The following SNX25 variants were observed in gnomAD, a reference collection of about 807,000 sequenced individuals.
SNX25 encodes the protein sorting nexin 25.
Under a neutral mutation model 113.7 loss-of-function variants are expected in SNX25, and 62 were observed. That is an observed-to-expected ratio of 0.55 (90% CI 0.44 to 0.67). SNX25 has a LOEUF of 0.67. Among genes scored for constraint, SNX25 ranks in the 30% least tolerant of loss-of-function variants. SNX25 has a pLI of 0.00. For synonymous variants in SNX25, 421 were observed against 436.2 expected, an observed-to-expected ratio of 0.97 and a Z score of 0.43; for missense variants, 1,014 against 1,161.0, an observed-to-expected ratio of 0.87 and a Z score of 1.84.
chr4:185,376,468 A>AT, the SNX25 span, among the ~76,000 whole-genome samples: 1 of 68,682 alleles, frequency 1.5e-5, no homozygotes, highest in Non-Finnish European at 3.1e-5. Flanking sequence ...TTTTTTTTGT[A>AT]TTTTTAGTAC....
chr4:185,363,594 T>G lies in SNX25; in HGVS notation c.*129T>G. ...TTTTAGTTACCTCCCTCTAGTTTTA[T>G]GTGAAATTAGTAGAATCAGGGAGGA... On this transcript the variant is annotated 3_prime_UTR_variant, in exon 19 of 19. Transcript: ENST00000652585. This position sits in a 1 kb window ranked among gnomAD's most constrained non-coding sequence, Gnocchi z 4.2. 1 of 813,826 alleles carries G rather than the reference T, an allele frequency of 1.2e-6. No individual in the cohort carries two copies. Among genetic ancestry groups the G allele is most frequent in the Non-Finnish European group, 1.9e-6 (1 of 515,590 alleles). The allele number at this position is 813,826 out of a possible 1,614,324, so 50.4% of individuals were successfully genotyped here. A position where few individuals can be genotyped will look rare whatever the true frequency, so the allele number is the denominator to read the frequency against.
intron 6 of SNX25, among the ~76,000 whole-genome samples, chr4:185,307,283 G>A (rs1439499712): frequency 2.6e-5 from 4 of 152,190 alleles, no homozygotes; most frequent in Admixed American, 6.5e-5. Context: ...GACTGCACTC[G>A]TGGGAACCAA....
chr4:185,212,491 GTTT>G (rs61204525), intron 1 of SNX25, among the ~76,000 whole-genome samples: 1 of 104,944 alleles, frequency 9.5e-6, no homozygotes, highest in South Asian at 3.1e-4. Flanking sequence ...GTGTGTGTGT[GTTT>G]TTTTTTTTTT....
chr4:185,306,426 A>G (rs1161455596), intron 6 of SNX25, among the ~76,000 whole-genome samples: 1 of 152,264 alleles, frequency 6.6e-6, no homozygotes, highest in Admixed American at 6.5e-5. Flanking sequence ...GCGGAGCACC[A>G]AAACATTCTT....
At chr4:185,340,823 G>A (rs1432365179) in intron 11 of SNX25, among the ~76,000 whole-genome samples, 2 of 152,134 alleles carry the variant, frequency 1.3e-5, no homozygotes, top group African/African-American at 4.8e-5. Flanking sequence ...CACTCTGGCT[G>A]GTGAAAAGAT....
chr4:185,347,443 G>GTTTTTTTTTGTTTTC (rs1554011536), intron 13 of SNX25, among the ~76,000 whole-genome samples: 1 of 150,612 alleles, frequency 6.6e-6, no homozygotes, highest in Non-Finnish European at 1.5e-5. Context: ...GGGGTTTGGT[G>GTTTTTTTTTGTTTTC]TTTTTTTTTG....
At chr4:185,355,174 G>A (rs1301418586) in intron 15 of SNX25, among the ~76,000 whole-genome samples, 2 of 152,222 alleles carry the variant, frequency 1.3e-5, no homozygotes, top group Non-Finnish European at 2.9e-5. Context: ...CTGACCCATG[G>A]TAGGGGATCA....
At chr4:185,239,354 GC>G (rs1233081618) in intron 1 of SNX25, among the ~76,000 whole-genome samples, 2 of 152,004 alleles carry the variant, frequency 1.3e-5, no homozygotes, top group African/African-American at 2.4e-5. Context: ...GTGGTGGTGG[GC>G]ACCTGTAGTC....
intron 5 of SNX25, among the ~76,000 whole-genome samples, chr4:185,273,503 A>G (rs576728881): frequency 2.0e-5 from 3 of 152,314 alleles, no homozygotes; most frequent in African/African-American, 4.8e-5. Context: ...TAACATATCA[A>G]TTACCTTACA....
At chr4:185,310,335 T>C (rs1001285622) in intron 6 of SNX25, among the ~76,000 whole-genome samples, 1 of 152,214 alleles carries the variant, frequency 6.6e-6, no homozygotes, top group South Asian at 2.1e-4. Context: ...CACATTCATA[T>C]AAAGATGTTA....
intron 1 of SNX25, among the ~76,000 whole-genome samples, chr4:185,230,457 A>C (rs1234821768): frequency 6.6e-6 from 1 of 150,710 alleles, no homozygotes; most frequent in Non-Finnish European, 1.5e-5. Flanking sequence ...GCAATGGCAC[A>C]ATATCAGCTC....
rs1234806571 is a variant in SNX25, at chr4:185,210,323, C to G, written c.429+68C>G. 1 of 984,604 alleles carries G rather than the reference C, an allele frequency of 1.0e-6. No individual in the cohort carries two copies. The highest frequency in any genetic ancestry group is 1.2e-6 in the Non-Finnish European group (1 of 829,716). The allele number at this position is 984,604 out of a possible 1,614,324, so 61.0% of individuals were successfully genotyped here. A position where few individuals can be genotyped will look rare whatever the true frequency, so the allele number is the denominator to read the frequency against. ...CCGCTTCCGGTGCCAGCTCCCGCGC[C>G]CCGAGCTCCGGGGGGCCGCGGCATG... On this transcript the variant is annotated intron_variant, in intron 1 of 18. Coordinates refer to ENST00000652585, the MANE Select transcript of SNX25 (RefSeq NM_001378034.2). The surrounding 1 kb of genome is among the most constrained non-coding windows in gnomAD (Gnocchi z 4.4).
rs2095217281 is a variant in SNX25 at position 185,334,541 on chromosome 4, A to G, written c.1914+1782A>G. Among the ~76,000 whole-genome samples, 1 of 152,248 alleles carries G rather than the reference A, an allele frequency of 6.6e-6. No individual in the cohort carries two copies. The highest frequency in any genetic ancestry group is 2.4e-5 in the African/African-American group (1 of 41,466). On this transcript the variant is annotated intron_variant, in intron 10 of 18. Coordinates refer to ENST00000652585, the MANE Select transcript of SNX25 (RefSeq NM_001378034.2). This position sits in a 1 kb window ranked among gnomAD's most constrained non-coding sequence, Gnocchi z 4.2. The stretch of plus-strand genomic sequence containing the variant: ...GAGATGATAAACAGAATTCGCTGGC[A>G]TGGCAGATAATCAGTATCTGCAATA...
chr4:185,298,181 C>T (rs532604423), intron 6 of SNX25, among the ~76,000 whole-genome samples: 39 of 150,172 alleles, frequency 2.6e-4, no homozygotes, highest in African/African-American at 9.5e-4. Flanking sequence ...CTCTGACTCC[C>T]GGGTTCAAGC....
intron 9 of SNX25, among the ~76,000 whole-genome samples, chr4:185,328,989 G>A (rs780356953): frequency 6.6e-6 from 1 of 152,114 alleles, no homozygotes; most frequent in Non-Finnish European, 1.5e-5. Flanking sequence ...GGTTTCCAAG[G>A]AAGGGGTTTC....
At chr4:185,241,872 G>C (rs1360392960) in intron 1 of SNX25, among the ~76,000 whole-genome samples, 1 of 152,106 alleles carries the variant, frequency 6.6e-6, no homozygotes, top group Non-Finnish European at 1.5e-5. Flanking sequence ...GTAAGTCTTT[G>C]GGGAAATCTG....
At chr4:185,361,165 C>T (rs1236915096) in intron 16 of SNX25, among the ~76,000 whole-genome samples, 1 of 152,088 alleles carries the variant, frequency 6.6e-6, no homozygotes, top group Non-Finnish European at 1.5e-5. Context: ...GAGTATCCTG[C>T]CCAGCATTCT....
At chr4:185,278,584 G>A (rs901542996) in intron 5 of SNX25, among the ~76,000 whole-genome samples, 7 of 152,036 alleles carry the variant, frequency 4.6e-5, no homozygotes, top group Middle Eastern at 3.2e-3. Context: ...GCCGGGAGAA[G>A]GTAAATACAC....
chr4:185,333,009 T>G (rs532903425), intron 10 of SNX25, among the ~76,000 whole-genome samples: 2 of 152,346 alleles, frequency 1.3e-5, no homozygotes, highest in South Asian at 4.1e-4. Context: ...TACAGGGCCT[T>G]TGGAGAAGGG....
Sources: allele counts gnomAD v4.1 joint callset (sites outside exome capture counted in the v4.1 genomes callset), GRCh38; gene constraint gnomAD v4.1.1; non-coding constraint Gnocchi (gnomAD v3.1); transcripts MANE v1.5; gene names NCBI Gene and HGNC (gene_info 2026-07-23, HGNC 2026-07-21).